The following SAMD14 variants were observed in gnomAD, a reference collection of about 807,000 sequenced individuals.
SAMD14 encodes the protein sterile alpha motif domain containing 14, also known as sterile alpha motif domain-containing protein 14.
SAMD14 carries 27 observed loss-of-function variants against 46.2 expected under a neutral mutation model. That is an observed-to-expected ratio of 0.58 (90% CI 0.43 to 0.81). The LOEUF (loss-of-function observed/expected upper bound fraction) is 0.81. SAMD14 is among the 30% of genes least tolerant of loss of function. SAMD14 has a pLI of 0.00. For synonymous variants in SAMD14, 241 were observed against 254.3 expected, an observed-to-expected ratio of 0.95 and a Z score of 0.50; for missense variants, 559 against 582.2, an observed-to-expected ratio of 0.96 and a Z score of 0.41.
chr17:50,118,746 G>C (rs781195474), intron 2 of SAMD14, among the ~76,000 whole-genome samples: 7 of 152,198 alleles, frequency 4.6e-5, no homozygotes, highest in Non-Finnish European at 1.0e-4. Context: ...TAGCTTTGTG[G>C]AGAGAAGGGT....
In SAMD14 at chr17:50,112,765, T is replaced by C. The variant is rs1290930436; in HGVS notation, c.*128A>G. 9.1e-6 allele frequency: 10 copies of C among 1,096,736 alleles called. No homozygotes were observed. The Admixed American group carries it at 2.0e-4, about 22-fold the overall frequency. The allele number at this position is 1,096,736 out of a possible 1,614,324, so 67.9% of individuals were successfully genotyped here. A position where few individuals can be genotyped will look rare whatever the true frequency, so the allele number is the denominator to read the frequency against. On this transcript the variant is annotated 3_prime_UTR_variant, in exon 10 of 10. Transcript: ENST00000330175. ...CCAAGTGACAGGGTAAGAGAGAGCATGTCCCCCCTGAGAGCGTGGGACCAG... is the reference window on the plus strand; with the variant it reads ...CCAAGTGACAGGGTAAGAGAGAGCACGTCCCCCCTGAGAGCGTGGGACCAG...
intron 4 of SAMD14, 111 bp downstream of exon 4, chr17:50,117,296 C>T (rs1420466493): frequency 4.4e-5 from 48 of 1,097,700 alleles, no homozygotes; most frequent in Non-Finnish European, 5.6e-5. Context: ...TTCACCTCCC[C>T]CAGCCACCCT....
At chr17:50,113,340 C>T (rs1228972160) in intron 9 of SAMD14, 1 of 388,878 alleles carries the variant, frequency 2.6e-6, no homozygotes, top group Non-Finnish European at 4.7e-6. Context: ...GCCCAACCTC[C>T]TGAGGCCCAG....
At chr17:50,113,784 A>C in intron 9 of SAMD14, 140 bp downstream of exon 9, 1 of 917,902 alleles carries the variant, frequency 1.1e-6, no homozygotes, top group Non-Finnish European at 1.7e-6. Flanking sequence ...GTCAGAGGTC[A>C]GGGTGGTGGC....
At position 50,117,743 on chromosome 17, in the gene SAMD14, C is replaced by G. The variant is rs748641099; in HGVS notation, c.211-48G>C. On this transcript the variant is annotated intron_variant, in intron 3 of 9. Coordinates refer to ENST00000330175, the MANE Select transcript of SAMD14 (RefSeq NM_001257359.2). Reference sequence around the variant, plus strand: ...ACCGAGAACCCTCCTCCTCCCTTCCCGGAGGAGCTGGGAGACTTTCACCCT... The same window carrying G: ...ACCGAGAACCCTCCTCCTCCCTTCCGGGAGGAGCTGGGAGACTTTCACCCT... The G allele has an allele frequency of 1.1e-5, 15 of 1,393,228 alleles. No homozygotes were observed. In the East Asian group the frequency reaches 4.3e-4, roughly 40 times the overall value. The allele number at this position is 1,393,228 out of a possible 1,614,324, so 86.3% of individuals were successfully genotyped here. A position where few individuals can be genotyped will look rare whatever the true frequency, so the allele number is the denominator to read the frequency against.
rs906299100 is a variant in SAMD14 at position 50,112,578 on chromosome 17, G to A, written c.*315C>T. The A allele has an allele frequency of 3.4e-5, 8 of 237,720 alleles. No individual in the cohort carries two copies. Among genetic ancestry groups the A allele is most frequent in the African/African-American group, 4.5e-5 (2 of 44,186 alleles). 14.7% of individuals were successfully genotyped at this position (237,720 alleles called of 1,614,324 possible). ...ACGATGGCCTGAGGGCAATGGGACA[G>A]CCTGACCCAGCCTCCCAGACTTGCC... On this transcript the variant is annotated 3_prime_UTR_variant, in exon 10 of 10. Transcript: ENST00000330175.
Position 50,115,867 on chromosome 17 carries a change from T to C in SAMD14, c.625A>G (p.Lys209Glu). The C allele has an allele frequency of 1.2e-6, 2 of 1,613,286 alleles. No homozygotes were observed. The highest frequency in any genetic ancestry group is 1.7e-6 in the Non-Finnish European group (2 of 1,179,882). ...LRRASTGKSR[K>E]EKGSNRLSMG... ...GACAGTCGGTTGCTGCCTTTCTCCTTCCGGCTCTTGCCCGTGGATGCTCGG... is the reference window on the plus strand; with the variant it reads ...GACAGTCGGTTGCTGCCTTTCTCCTCCCGGCTCTTGCCCGTGGATGCTCGG... Residue 209 changes from lysine (K) to glutamate (E), a missense_variant, in exon 6 of 10, where the codon AAG becomes GAG. Coordinates refer to ENST00000330175, the MANE Select transcript of SAMD14 (RefSeq NM_001257359.2). The surrounding 1 kb of genome is among the most constrained non-coding windows in gnomAD (Gnocchi z 5.3).
intron 1 of SAMD14, among the ~76,000 whole-genome samples, chr17:50,126,526 T>G (rs1163713852): frequency 6.6e-6 from 1 of 151,886 alleles, no homozygotes; most frequent in Non-Finnish European, 1.5e-5. Context: ...AGGATGGTCT[T>G]GATCTCCTGA....
At chr17:50,124,778 C>T in intron 2 of SAMD14, 139 bp downstream of exon 2, 3 of 616,176 alleles carry the variant, frequency 4.9e-6, no homozygotes, top group Non-Finnish European at 8.7e-6. Context: ...CGCGCACACA[C>T]ACACACACAC....
At chr17:50,123,890 T>A (rs556359837) in intron 2 of SAMD14, among the ~76,000 whole-genome samples, 2 of 152,096 alleles carry the variant, frequency 1.3e-5, no homozygotes, top group East Asian at 3.9e-4. Context: ...GGCCTGGGCT[T>A]AAGTCAGGCC....
At position 50,111,034 on chromosome 17, in the gene SAMD14, C is replaced by T. The variant is rs1340696778; in HGVS notation, c.*1859G>A. On this transcript the variant is annotated 3_prime_UTR_variant, in exon 10 of 10. Transcript: ENST00000330175. ...TGGCAGTGACAGTGACACCCACACCCACAGTAAAGAGGAGACTGAATGAGA... is the reference window on the plus strand; with the variant it reads ...TGGCAGTGACAGTGACACCCACACCTACAGTAAAGAGGAGACTGAATGAGA... The T allele has an allele frequency of 2.6e-5, 4 of 152,322 alleles. No individual in the cohort carries two copies. Among genetic ancestry groups the T allele is most frequent in the Non-Finnish European group, 5.9e-5 (4 of 68,126 alleles). The allele number at this position is 152,322 out of a possible 1,614,324, so 9.4% of individuals were successfully genotyped here.
Position 50,129,238 on chromosome 17 carries a change from C to T in SAMD14, c.-13+279G>A, listed in dbSNP as rs1415462461. Among the ~76,000 whole-genome samples, 1 of 152,148 alleles carries T rather than the reference C, an allele frequency of 6.6e-6. No individual in the cohort carries two copies. Among genetic ancestry groups the T allele is most frequent in the Non-Finnish European group, 1.5e-5 (1 of 68,018 alleles). ...TCCAAACCATCAGCACAACTCCCCG[C>T]CGGGCAAGAAAGAGTTAAGCCCTCT... On this transcript the variant is annotated intron_variant, in intron 1 of 9. Coordinates refer to ENST00000330175, the MANE Select transcript of SAMD14 (RefSeq NM_001257359.2). This position sits in a 1 kb window ranked among gnomAD's most constrained non-coding sequence, Gnocchi z 5.6.
intron 2 of SAMD14, among the ~76,000 whole-genome samples, chr17:50,124,552 C>T (rs1296472154): frequency 6.6e-6 from 1 of 152,082 alleles, no homozygotes; most frequent in Non-Finnish European, 1.5e-5. Flanking sequence ...CAAGTCACTT[C>T]AGCCCTCTGT....
chr17:50,114,900 G>C (rs921471719), intron 7 of SAMD14: 1 of 157,304 alleles, frequency 6.4e-6, no homozygotes, highest in South Asian at 2.0e-4. Flanking sequence ...CAAGTACTGG[G>C]CTGGGGGTTG....
chr17:50,124,664 A>G (rs1911658990), intron 2 of SAMD14, among the ~76,000 whole-genome samples: 1 of 152,138 alleles, frequency 6.6e-6, no homozygotes, highest in African/African-American at 2.4e-5. Context: ...CTGGCATAAG[A>G]GAAGCACTTA....
chr17:50,118,565 T>C (rs1911361431), intron 2 of SAMD14, among the ~76,000 whole-genome samples: 1 of 152,160 alleles, frequency 6.6e-6, no homozygotes, highest in Non-Finnish European at 1.5e-5. Context: ...TGAACCCTCC[T>C]GTAGACACGG....
rs771376035 is a variant in SAMD14 at position 50,110,062 on chromosome 17, G to A, written c.*2831C>T. 6.2e-7 allele frequency: 1 copy of A among 1,611,296 alleles called. No homozygotes were observed. Among genetic ancestry groups the A allele is most frequent in the Non-Finnish European group, 8.5e-7 (1 of 1,178,818 alleles). On this transcript the variant is annotated 3_prime_UTR_variant, in exon 10 of 10. Transcript: ENST00000330175. ...CGGCGACTGGTGTGTGCCCAGCACG[G>A]AGCCCAAGAACACGTCCACGTACCG...
rs1555563138 is a variant in SAMD14 at position 50,124,771 on chromosome 17, G to GCACGCACA, written c.43+145_43+146insTGTGCGTG. ...TACCTGCACGCGTGCACGCGCGCGCGCACACACACACACACACACACACAC... is the reference window on the plus strand; with the variant it reads ...TACCTGCACGCGTGCACGCGCGCGCGCACGCACACACACACACACACACACACACACAC... On this transcript the variant is annotated intron_variant, in intron 2 of 9. Transcript: ENST00000330175. The GCACGCACA allele has an allele frequency of 1.4e-4, 77 of 569,682 alleles. 1 individual carries two copies. Among genetic ancestry groups the GCACGCACA allele is most frequent in the African/African-American group, 1.2e-3 (62 of 50,178 alleles). 35.3% of individuals were successfully genotyped at this position (569,682 alleles called of 1,614,324 possible). A position where few individuals can be genotyped will look rare whatever the true frequency, so the allele number is the denominator to read the frequency against.
At chr17:50,126,033 G>A (rs1393835964) in intron 1 of SAMD14, among the ~76,000 whole-genome samples, 1 of 152,136 alleles carries the variant, frequency 6.6e-6, no homozygotes, top group Non-Finnish European at 1.5e-5. Flanking sequence ...TAGCCCTAGG[G>A]AGCCCACTGG....
Sources: gnomAD v4.1 joint callset for allele counts (sites outside exome capture counted in the v4.1 genomes callset) on GRCh38, gnomAD v4.1.1 for gene constraint, Gnocchi (gnomAD v3.1) non-coding constraint, MANE v1.5 for transcripts, NCBI Gene and HGNC (gene_info 2026-07-23, HGNC 2026-07-21) for gene names.